The following TICAM2 variants were observed in gnomAD, a reference collection of about 807,000 sequenced individuals.
TICAM2 encodes TIR domain containing adaptor molecule 2, also known as TIR domain-containing adapter molecule 2.
Under a neutral mutation model 7.3 loss-of-function variants are expected in TICAM2, and 8 were observed. The ratio of observed to expected loss-of-function variants is 1.10; its 90% confidence interval spans 0.65 to 1.99. TICAM2 has a LOEUF of 1.99. Among genes scored for constraint, TICAM2 ranks in the 30% most tolerant of loss-of-function variants. TICAM2 has a pLI of 0.00. For missense variants in TICAM2, 304 were observed against 278.8 expected, an observed-to-expected ratio of 1.09 and a Z score of -0.65; for synonymous variants, 113 against 99.6, an observed-to-expected ratio of 1.13 and a Z score of -0.80.
rs144961343 is a variant in TICAM2, at chr5:115,582,965, G to A, written c.-59-1650C>T. ...TAGTGAGGAAACTGCTGACCACTCC[G>A]TCATTCACTCTGTCTGTACTTTAGG... On this transcript the variant is annotated intron_variant, in intron 1 of 1. Transcript: ENST00000427199. Among the ~76,000 whole-genome samples, 11 of 152,262 alleles carry A rather than the reference G, an allele frequency of 7.2e-5. No homozygotes were observed. The South Asian group carries it at 8.3e-4, about 11-fold the overall frequency.
intron 1 of TICAM2, among the ~76,000 whole-genome samples, chr5:115,582,428 C>T (rs746758683): frequency 6.6e-6 from 1 of 151,402 alleles, no homozygotes; most frequent in East Asian, 1.9e-4. Context: ...CCGCCTCAGC[C>T]TCTCAAAGCT....
intron 1 of TICAM2, among the ~76,000 whole-genome samples, chr5:115,588,474 T>G (rs992758314): frequency 3.3e-5 from 5 of 152,202 alleles, no homozygotes; most frequent in South Asian, 2.1e-4. Context: ...TATTGGGAGA[T>G]AGCATGCCAT....
intron 1 of TICAM2, among the ~76,000 whole-genome samples, chr5:115,581,553 C>T (rs1490702257): frequency 1.3e-5 from 2 of 152,076 alleles, no homozygotes; most frequent in Non-Finnish European, 2.9e-5. Context: ...AGGAGACATT[C>T]GGAAAATGTA....
chr5:115,580,597 AGTTT>A lies in TICAM2; in HGVS notation c.656_659del (p.Gln219LeufsTer34). On this transcript the variant is annotated frameshift_variant, in exon 2 of 2. Coordinates refer to ENST00000427199, the MANE Select transcript of TICAM2 (RefSeq NM_021649.7). LOFTEE classifies it low-confidence loss of function (END_TRUNC). ...CCATATTTCTTGTCTCTTTCCATAT[AGTTT>A]GTTGTGTCTTATACACAGACTCCTG... The A allele has an allele frequency of 6.3e-7, 1 of 1,599,988 alleles. No individual in the cohort carries two copies. Among genetic ancestry groups the A allele is most frequent in the Non-Finnish European group, 8.5e-7 (1 of 1,175,928 alleles).
chr5:115,589,108 A>G (rs1247131501), intron 1 of TICAM2, among the ~76,000 whole-genome samples: 1 of 152,224 alleles, frequency 6.6e-6, no homozygotes, highest in Non-Finnish European at 1.5e-5. Flanking sequence ...TTTTATTGGA[A>G]GGCAGACATG....
intron 1 of TICAM2, among the ~76,000 whole-genome samples, chr5:115,586,721 G>T (rs1755120000): frequency 6.6e-6 from 1 of 152,156 alleles, no homozygotes; most frequent in Non-Finnish European, 1.5e-5. Context: ...GCACCATCTT[G>T]TGGCAAATAT....
At chr5:115,587,628 T>G (rs368940502) in intron 1 of TICAM2, among the ~76,000 whole-genome samples, 1 of 152,182 alleles carries the variant, frequency 6.6e-6, no homozygotes, top group Non-Finnish European at 1.5e-5. Context: ...AAGCTTATGC[T>G]TTTTGTAACT....
chr5:115,591,214 T>G (rs1217937841), intron 1 of TICAM2, among the ~76,000 whole-genome samples: 1 of 152,234 alleles, frequency 6.6e-6, no homozygotes, highest in Non-Finnish European at 1.5e-5. Flanking sequence ...TGCTGTGCTT[T>G]TTGCCCCTCA....
intron 1 of TICAM2, among the ~76,000 whole-genome samples, chr5:115,595,957 C>G (rs1238525870): frequency 6.6e-6 from 1 of 152,132 alleles, no homozygotes; most frequent in East Asian, 1.9e-4. Flanking sequence ...TATGTATTGC[C>G]CAGCACTCTT....
In TICAM2 at chr5:115,580,650, G is replaced by A; in HGVS notation, c.607C>T (p.Pro203Ser). The A allele has an allele frequency of 6.3e-7, 1 of 1,580,552 alleles. No homozygotes were observed. The highest frequency in any genetic ancestry group is 1.4e-5 in the African/African-American group (1 of 73,080). ...NALEEESRGF[P>S]TQVERIFQES... is the part of the protein sequence containing the mutation. The stretch of plus-strand genomic sequence containing the variant: ...TGAAAAATTCTTTCTACTTGTGTAG[G>A]AAATCCACGACTTTCTTCCTCTAAG... Residue 203 changes from proline to serine, a missense_variant, in exon 2 of 2, where the codon CCT becomes TCT. By Grantham distance (74) the Pro-to-Ser change is moderately conservative. Coordinates refer to ENST00000427199, the MANE Select transcript of TICAM2 (RefSeq NM_021649.7).
intron 1 of TICAM2, among the ~76,000 whole-genome samples, chr5:115,589,602 A>C (rs897900217): frequency 1.9e-4 from 29 of 152,240 alleles, no homozygotes; most frequent in Admixed American, 1.6e-3. Context: ...CAGTTAGAGT[A>C]AGCCAGTACC....
At chr5:115,599,668 A>G (rs116749904) in intron 1 of TICAM2, among the ~76,000 whole-genome samples, 3,592 of 152,234 alleles carry the variant, frequency 0.024, 68 homozygotes, top group Admixed American at 0.035. Context: ...ATGCTAACAG[A>G]GAAGTGAGGG....
intron 1 of TICAM2, among the ~76,000 whole-genome samples, chr5:115,594,369 T>A (rs1386071214): frequency 2.0e-5 from 3 of 152,216 alleles, no homozygotes; most frequent in African/African-American, 7.2e-5. Flanking sequence ...TGCAATACAA[T>A]TCATGAGAGC....
intron 1 of TICAM2, 84 bp from the exon 2 acceptor site, chr5:115,581,399 CAAA>C: frequency 1.4e-6 from 2 of 1,414,406 alleles, no homozygotes; most frequent in Non-Finnish European, 1.9e-6. Context: ...CTGAAAAGCT[CAAA>C]AAGATTATAA....
At chr5:115,591,809 A>T (rs1755313906) in intron 1 of TICAM2, among the ~76,000 whole-genome samples, 1 of 152,188 alleles carries the variant, frequency 6.6e-6, no homozygotes, top group African/African-American at 2.4e-5. Flanking sequence ...TAGAAGGTGT[A>T]ACAAATGTGT....
Position 115,579,703 on chromosome 5 carries a change from C to T in TICAM2, c.*846G>A, listed in dbSNP as rs1214920730. ...TGAAGACCTAAATGAGAAATACTTC[C>T]TGAGAAGAGAATTGTGTGTGACGGA... On this transcript the variant is annotated 3_prime_UTR_variant, in exon 2 of 2. Transcript: ENST00000427199. The T allele has an allele frequency of 3.3e-5, 5 of 152,146 alleles. No homozygotes were observed. Among genetic ancestry groups the T allele is most frequent in the Non-Finnish European group, 5.9e-5 (4 of 68,028 alleles). The allele number at this position is 152,146 out of a possible 1,614,324, so 9.4% of individuals were successfully genotyped here. A position where few individuals can be genotyped will look rare whatever the true frequency, so the allele number is the denominator to read the frequency against.
At chr5:115,588,761 G>A (rs1755202498) in intron 1 of TICAM2, among the ~76,000 whole-genome samples, 1 of 152,162 alleles carries the variant, frequency 6.6e-6, no homozygotes, top group African/African-American at 2.4e-5. Context: ...AATATGCAAC[G>A]AGGCAGAACA....
chr5:115,597,231 T>C (rs1755544127), intron 1 of TICAM2, among the ~76,000 whole-genome samples: 1 of 152,224 alleles, frequency 6.6e-6, no homozygotes, highest in Non-Finnish European at 1.5e-5. Context: ...AGCCTCTATC[T>C]CCCTCTGTTA....
rs778413589 is a variant in TICAM2 at position 115,581,100 on chromosome 5, C to G, written c.157G>C (p.Glu53Gln). ...CCCTCCTGCTTTCCTGTTGGCCCCT[C>G]TGTTGTATTGCTGTGCTCAGCAACA... ...CNVAEHSNTT[E>Q]GPTGKQEGAQ... Residue 53 changes from glutamate to glutamine, a missense_variant, in exon 2 of 2, where the codon GAG becomes CAG. Physicochemically the swap from Glu to Gln is conservative, Grantham distance 29. Transcript: ENST00000427199. The G allele has an allele frequency of 6.2e-7, 1 of 1,614,058 alleles. No individual in the cohort carries two copies. The highest frequency in any genetic ancestry group is 1.3e-5 in the African/African-American group (1 of 74,926).
Sources: allele counts gnomAD v4.1 joint callset (sites outside exome capture counted in the v4.1 genomes callset), GRCh38; gene constraint gnomAD v4.1.1; transcripts MANE v1.5; gene names NCBI Gene and HGNC (gene_info 2026-07-23, HGNC 2026-07-21).